SLC6A12: variants seen among roughly 807,000 people sequenced by gnomAD.
SLC6A12 encodes solute carrier family 6 member 12.
SLC6A12 carries 50 observed loss-of-function variants against 73.3 expected under a neutral mutation model. The observed-to-expected ratio is 0.68, with a 90% CI of 0.54 to 0.86. The LOEUF is 0.86. SLC6A12 is among the 40% of genes least tolerant of loss of function. SLC6A12 has a pLI of 0.00. For synonymous variants in SLC6A12, 304 were observed against 309.2 expected (o/e 0.98, Z 0.18); for missense variants, 648 against 772.8 (o/e 0.84, Z 1.92).
intron 7 of SLC6A12, among the ~76,000 whole-genome samples, chr12:200,158 G>T (rs1478947957): frequency 1.4e-5 from 2 of 147,990 alleles, no homozygotes; most frequent in Non-Finnish European, 3.0e-5. Context: ...GCCCAGGCTG[G>T]AGTGCAGTGG....
At chr12:204,884 A>T in intron 3 of SLC6A12, 186 bp from the exon 4 acceptor site, 1 of 624,736 alleles carries the variant, frequency 1.6e-6, no homozygotes, top group South Asian at 1.9e-5. Context: ...ACAGGTGGGA[A>T]TGTTCTGATC....
downstream of SLC6A12, among the ~76,000 whole-genome samples, chr12:185,890 C>T (rs539738331): frequency 1.3e-5 from 2 of 152,360 alleles, no homozygotes; most frequent in African/African-American, 4.8e-5. Context: ...CCTCCCATGG[C>T]CGCTGCATCA....
chr12:187,660 A>C (rs1193729586), downstream of SLC6A12, among the ~76,000 whole-genome samples: 4 of 143,240 alleles, frequency 2.8e-5, no homozygotes, highest in African/African-American at 7.9e-5. Flanking sequence ...CCCACTGCAC[A>C]CAACGCGACC....
chr12:202,945 GA>G (rs1273483336), intron 4 of SLC6A12, 65 bp from the exon 5 acceptor site: 1 of 1,482,690 alleles, frequency 6.7e-7, no homozygotes, highest in African/African-American at 1.4e-5. Flanking sequence ...AAGTCACATA[GA>G]AGCTGCCAGT....
At position 197,140 on chromosome 12, in the gene SLC6A12, T is replaced by TCTAC. The variant is rs1565469025; in HGVS notation, c.1075+236_1075+237insGTAG. Reference sequence around the variant, plus strand: ...ATCCATCCATCCATCCATCCATCCATCCATCCATCCATCCATCCATCCATC... The same window carrying TCTAC: ...ATCCATCCATCCATCCATCCATCCATCTACCCATCCATCCATCCATCCATCCATC... On this transcript the variant is annotated intron_variant, in intron 10 of 15. Transcript: ENST00000684302. 2.7e-4 allele frequency among the ~76,000 whole-genome samples: 31 copies of TCTAC among 113,616 alleles called. 1 individual carries two copies. Among genetic ancestry groups the TCTAC allele is most frequent in the South Asian group, 1.2e-3 (4 of 3,290 alleles). The allele number at this position is 113,616 out of a possible 152,430, so 74.5% of individuals were successfully genotyped here.
chr12:200,083 G>T lies in SLC6A12; in HGVS notation c.711+568C>A, dbSNP rs144450181. 1.1e-3 allele frequency among the ~76,000 whole-genome samples: 155 copies of T among 142,954 alleles called. 3 individuals are homozygous for T. In the East Asian group the frequency reaches 0.029, roughly 27 times the overall value. The allele number at this position is 142,954 out of a possible 152,430, so 93.8% of individuals were successfully genotyped here. On this transcript the variant is annotated intron_variant, in intron 7 of 15. Transcript: ENST00000684302. ...TTAGCTCCAACAATGAGATTTTTCT[G>T]TTTCTAATTTGCCCTGAATATTCTT...
intron 7 of SLC6A12, among the ~76,000 whole-genome samples, 184 bp downstream of exon 7, chr12:200,467 C>A (rs558703547): frequency 5.6e-4 from 86 of 152,316 alleles, no homozygotes; most frequent in Admixed American, 9.2e-4. Flanking sequence ...GAAAGACTTT[C>A]CTTGCATCGA....
chr12:207,669 A>C (rs1940717338), intron 3 of SLC6A12, among the ~76,000 whole-genome samples: 2 of 152,298 alleles, frequency 1.3e-5, no homozygotes, highest in South Asian at 4.2e-4. Flanking sequence ...TAAAGCAAAA[A>C]AATAAAAGAC....
In SLC6A12 at chr12:193,346, G is replaced by A; in HGVS notation, c.1461C>T (p.Asp487=). 1 of 1,614,020 alleles carries A rather than the reference G, an allele frequency of 6.2e-7. No individual in the cohort carries two copies. Among genetic ancestry groups the A allele is most frequent in the South Asian group, 1.1e-5 (1 of 91,082 alleles). ...GGGGCCATGGCCGGTAGCCAATCAT[G>A]TCCTCAATGTTGTCATAGAAACGGT... ...GADRFYDNIE[D]MIGYRPWPLV... The change falls in exon 14 of 16, where the codon GAC becomes GAT. Residue 487 remains aspartate, a synonymous_variant. Transcript: ENST00000684302.
At position 205,466 on chromosome 12, in the gene SLC6A12, A is replaced by G. The variant is rs77031774; in HGVS notation, c.215-768T>C. On this transcript the variant is annotated intron_variant, in intron 3 of 15. Coordinates refer to ENST00000684302, the MANE Select transcript of SLC6A12 (RefSeq NM_001122848.3). ...TCAACATCACAGTCCTTGCAAAACA[A>G]CCTCCCATGGGGCAGGCTCTACTGT... Among the ~76,000 whole-genome samples, 369 of 152,244 alleles carry G rather than the reference A, an allele frequency of 2.4e-3. 2 individuals are homozygous for G. Among genetic ancestry groups the G allele is most frequent in the African/African-American group, 8.7e-3 (363 of 41,532 alleles).
chr12:202,784 G>C lies in SLC6A12; in HGVS notation c.446C>G (p.Thr149Ser). Residue 149 changes from threonine (T) to serine (S), a missense_variant, in exon 5 of 16, where the codon ACT (threonine) becomes AGT (serine). Coordinates refer to ENST00000684302, the MANE Select transcript of SLC6A12 (RefSeq NM_001122848.3). ...GCAGGTCGTCCAGGGCAGCTCAGAA[G>C]TGAAGGAGCTGAACAGGTAGAAGAG... ...WALFYLFSSF[T>S]SELPWTTCNN... 1 of 1,613,984 alleles carries C rather than the reference G, an allele frequency of 6.2e-7. No homozygotes were observed. Among genetic ancestry groups the C allele is most frequent in the South Asian group, 1.1e-5 (1 of 91,074 alleles).
chr12:201,736 A>T, intron 6 of SLC6A12, 26 bp downstream of exon 6: 1 of 1,580,788 alleles, frequency 6.3e-7, no homozygotes. Context: ...TCCTCTTCAT[A>T]TGTGGCAAAT....
rs896627613 is a variant in SLC6A12 at position 190,565 on chromosome 12, C to G, written c.*503G>C. 1 of 152,190 alleles carries G rather than the reference C, an allele frequency of 6.6e-6. No individual in the cohort carries two copies. Among genetic ancestry groups the G allele is most frequent in the African/African-American group, 2.4e-5 (1 of 41,390 alleles). The allele number at this position is 152,190 out of a possible 1,614,324, so 9.4% of individuals were successfully genotyped here. On this transcript the variant is annotated 3_prime_UTR_variant, in exon 16 of 16. Transcript: ENST00000684302. Reference sequence around the variant, plus strand: ...ACGGCATGCAAAGGCTTGCCTCTGTCGTTAAGCCTAAGGAAGGATCCCCTA... The same window carrying G: ...ACGGCATGCAAAGGCTTGCCTCTGTGGTTAAGCCTAAGGAAGGATCCCCTA...
intron 4 of SLC6A12, chr12:203,987 G>C (rs1015161600): frequency 4.6e-5 from 7 of 152,698 alleles, no homozygotes; most frequent in Admixed American, 4.6e-4. Flanking sequence ...AAGAAGGAAA[G>C]AGCCACGACC....
chr12:184,147 TTGAA>T, the SLC6A12 span, among the ~76,000 whole-genome samples: 1 of 151,988 alleles, frequency 6.6e-6, no homozygotes, highest in Admixed American at 6.5e-5. Flanking sequence ...GAACAGATGA[TTGAA>T]TATTAGAAAA....
chr12:186,291 G>T (rs1043959877), downstream of SLC6A12, among the ~76,000 whole-genome samples: 4 of 152,294 alleles, frequency 2.6e-5, no homozygotes, highest in Admixed American at 2.0e-4. Flanking sequence ...CCAACAGAGA[G>T]CCCACATGAG....
downstream of SLC6A12, among the ~76,000 whole-genome samples, chr12:188,614 C>T (rs535412293): frequency 1.6e-4 from 24 of 152,334 alleles, no homozygotes; most frequent in African/African-American, 5.8e-4. Context: ...GGCACGCTGT[C>T]ACCTCTCAAA....
chr12:200,910 C>T, intron 6 of SLC6A12, 127 bp from the exon 7 acceptor site: 1 of 882,058 alleles, frequency 1.1e-6, no homozygotes, highest in Non-Finnish European at 1.7e-6. Context: ...CCCCCACTCC[C>T]CACCTCCCCC....
chr12:212,659 C>T (rs1037801648), intron 1 of SLC6A12, among the ~76,000 whole-genome samples: 4 of 152,148 alleles, frequency 2.6e-5, no homozygotes, highest in Non-Finnish European at 5.9e-5. Context: ...AGAGGGAACA[C>T]GCTTAAACTG....
Sources: allele counts gnomAD v4.1 joint callset (sites outside exome capture counted in the v4.1 genomes callset), GRCh38; gene constraint gnomAD v4.1.1; transcripts MANE v1.5; gene names NCBI Gene and HGNC (gene_info 2026-07-23, HGNC 2026-07-21).